ACTR3C: variants seen among roughly 807,000 people sequenced by gnomAD.
ACTR3C encodes actin related protein 3C, also known as actin-related protein 3C.
Under a neutral mutation model 26.3 loss-of-function variants are expected in ACTR3C, and 18 were observed. The observed-to-expected ratio is 0.68, with a 90% CI of 0.47 to 1.01. The LOEUF (loss-of-function observed/expected upper bound fraction) is 1.01, where lower values mean the gene tolerates loss of function less well. Among genes scored for constraint, ACTR3C ranks in the 50% least tolerant of loss-of-function variants. ACTR3C has a pLI of 0.00. For missense variants in ACTR3C, 184 were observed against 250.7 expected, an observed-to-expected ratio of 0.73 and a Z score of 1.80; for synonymous variants, 55 against 94.5, an observed-to-expected ratio of 0.58 and a Z score of 2.42.
chr7:149,939,416 T>C, the ACTR3C span, among the ~76,000 whole-genome samples: 1 of 152,210 alleles, frequency 6.6e-6, no homozygotes, highest in Admixed American at 6.5e-5. Flanking sequence ...AGGGGACTAC[T>C]GTTTTTGTCA....
At chr7:150,169,301 T>A in the ACTR3C span, among the ~76,000 whole-genome samples, 1 of 145,872 alleles carries the variant, frequency 6.9e-6, no homozygotes, top group Non-Finnish European at 1.5e-5. Flanking sequence ...GAGAATGGCA[T>A]GAACCCAGAA....
At chr7:150,215,447 T>C in the ACTR3C span, among the ~76,000 whole-genome samples, 3 of 152,124 alleles carry the variant, frequency 2.0e-5, no homozygotes, top group Non-Finnish European at 4.4e-5. Context: ...ATTACGATTA[T>C]TAATCACTGC....
chr7:149,886,176 C>T, the ACTR3C span, among the ~76,000 whole-genome samples: 6,135 of 152,302 alleles, frequency 0.04, 115 homozygotes, highest in African/African-American at 0.062. Context: ...CAGCTTCCTT[C>T]CCCTTTTCTG....
At chr7:150,203,851 G>A in the ACTR3C span, among the ~76,000 whole-genome samples, 1 of 152,196 alleles carries the variant, frequency 6.6e-6, no homozygotes, top group Admixed American at 6.5e-5. Flanking sequence ...GCAGGCATGA[G>A]CCACCACACC....
the ACTR3C span, among the ~76,000 whole-genome samples, chr7:150,165,861 G>A: frequency 6.6e-6 from 1 of 151,380 alleles, no homozygotes; most frequent in African/African-American, 2.5e-5. Flanking sequence ...GGAACGTGGA[G>A]CATGTGCAAG....
the ACTR3C span, among the ~76,000 whole-genome samples, chr7:149,898,991 C>T: frequency 2.9e-3 from 434 of 152,190 alleles, no homozygotes; most frequent in Non-Finnish European, 3.6e-3. Context: ...ACTTCCACCC[C>T]GGCCCAGCAG....
chr7:150,293,797 G>A (rs988549104), intron 2 of ACTR3C, among the ~76,000 whole-genome samples: 3 of 152,166 alleles, frequency 2.0e-5, no homozygotes, highest in Non-Finnish European at 2.9e-5. Flanking sequence ...TTAGCCAGGC[G>A]TGGTGACACG....
At chr7:150,156,593 GGA>G in the ACTR3C span, among the ~76,000 whole-genome samples, 6 of 151,976 alleles carry the variant, frequency 3.9e-5, no homozygotes, top group African/African-American at 7.2e-5. Context: ...GAGAGGGAGA[GGA>G]GAGAGAGCGA....
the ACTR3C span, among the ~76,000 whole-genome samples, chr7:150,159,295 T>C: frequency 6.6e-6 from 1 of 151,952 alleles, no homozygotes; most frequent in Non-Finnish European, 1.5e-5. Context: ...TGGTATGTCT[T>C]CATTTCAGGC....
the ACTR3C span, among the ~76,000 whole-genome samples, chr7:150,103,204 C>G: frequency 6.6e-6 from 1 of 151,864 alleles, no homozygotes; most frequent in Non-Finnish European, 1.5e-5. Flanking sequence ...TGGCTTACAG[C>G]AGGTGCTCAA....
the ACTR3C span, among the ~76,000 whole-genome samples, chr7:149,889,034 G>T: frequency 2.7e-5 from 4 of 150,844 alleles, no homozygotes; most frequent in African/African-American, 9.8e-5. Context: ...ATAATAAAAA[G>T]AAATTAAAAA....
intron 1 of ACTR3C, among the ~76,000 whole-genome samples, chr7:150,320,472 C>T (rs1043364955): frequency 5.3e-5 from 8 of 152,148 alleles, no homozygotes; most frequent in Admixed American, 5.2e-4. Flanking sequence ...TTAAGAATGC[C>T]TTTTTCCAGG....
At chr7:150,164,462 G>A in the ACTR3C span, among the ~76,000 whole-genome samples, 1,660 of 152,150 alleles carry the variant, frequency 0.011, 20 homozygotes, top group African/African-American at 0.038. Flanking sequence ...AATAAAAATA[G>A]GGGGCTTCTT....
chr7:149,926,151 A>G, the ACTR3C span, among the ~76,000 whole-genome samples: 1 of 152,140 alleles, frequency 6.6e-6, no homozygotes, highest in South Asian at 2.1e-4. Context: ...ATCTAGAAAC[A>G]ATAAAGAAAA....
the ACTR3C span, among the ~76,000 whole-genome samples, chr7:149,904,598 T>C: frequency 8.1e-6 from 1 of 123,636 alleles, no homozygotes; most frequent in Non-Finnish European, 1.9e-5. Context: ...ACAAGAGACA[T>C]GAATAAACAA....
At chr7:149,940,959 C>T in the ACTR3C span, among the ~76,000 whole-genome samples, 2 of 151,828 alleles carry the variant, frequency 1.3e-5, no homozygotes, top group African/African-American at 4.8e-5. Context: ...GCCTGGGGCC[C>T]CTTAAGTCTA....
At chr7:150,023,995 A>G in the ACTR3C span, among the ~76,000 whole-genome samples, 1 of 149,266 alleles carries the variant, frequency 6.7e-6, no homozygotes, top group South Asian at 2.2e-4. Context: ...TTAGAGGAGA[A>G]GGCAGACCAG....
the ACTR3C span, among the ~76,000 whole-genome samples, chr7:149,945,682 G>T: frequency 2.0e-5 from 3 of 152,140 alleles, no homozygotes; most frequent in East Asian, 5.8e-4. Context: ...AAGCAATCAG[G>T]TGCCCCAGGT....
At chr7:150,237,671 C>A in the ACTR3C span, among the ~76,000 whole-genome samples, 23 of 152,162 alleles carry the variant, frequency 1.5e-4, no homozygotes, top group African/African-American at 5.3e-4. Context: ...CATTTGCGTG[C>A]AATCACACCT....
Sources: gnomAD v4.1 joint callset for allele counts (sites outside exome capture counted in the v4.1 genomes callset) on GRCh38, gnomAD v4.1.1 for gene constraint, MANE v1.5 for transcripts, NCBI Gene and HGNC (gene_info 2026-07-23, HGNC 2026-07-21) for gene names.